The following MPP7 variants were observed in gnomAD, a reference collection of about 807,000 sequenced individuals.
The protein encoded by MPP7 is MAGUK p55 subfamily member 7.
A neutral mutation model predicts 76.5 loss-of-function variants in MPP7; 60 were observed. The ratio of observed to expected loss-of-function variants is 0.78; its 90% CI spans 0.64 to 0.97. The LOEUF (loss-of-function observed/expected upper bound fraction) is 0.97, where lower values mean the gene tolerates loss of function less well. Among genes scored for constraint, MPP7 ranks in the 50% least tolerant of loss-of-function variants. The pLI is 0.00. For synonymous variants in MPP7, 237 were observed against 244.5 expected, an observed-to-expected ratio of 0.97 and a Z score of 0.29; for missense variants, 641 against 694.0, an observed-to-expected ratio of 0.92 and a Z score of 0.86.
intron 1 of MPP7, among the ~76,000 whole-genome samples, chr10:28,242,227 A>G (rs925547465): frequency 2.6e-5 from 4 of 152,240 alleles, no homozygotes; most frequent in Non-Finnish European, 5.9e-5. Flanking sequence ...TTAGCAATCT[A>G]TCATTTCAGA....
chr10:28,105,364 T>C (rs576626133), intron 11 of MPP7, among the ~76,000 whole-genome samples: 8 of 152,270 alleles, frequency 5.3e-5, no homozygotes, highest in Admixed American at 3.9e-4. Context: ...TTTGCTATTA[T>C]AGCACAAGCA....
At chr10:28,099,289 T>C (rs1428129653) in intron 11 of MPP7, among the ~76,000 whole-genome samples, 3 of 152,340 alleles carry the variant, frequency 2.0e-5, no homozygotes, top group Non-Finnish European at 4.4e-5. Flanking sequence ...TACTACTACG[T>C]TACCACCTGT....
chr10:28,185,808 G>T (rs1309705245), intron 3 of MPP7, among the ~76,000 whole-genome samples: 2 of 152,082 alleles, frequency 1.3e-5, no homozygotes, highest in East Asian at 3.9e-4. Flanking sequence ...TGGTGAATAG[G>T]CCTCCAAGCC....
chr10:28,267,314 T>C (rs1051829411), intron 1 of MPP7, among the ~76,000 whole-genome samples: 1 of 152,164 alleles, frequency 6.6e-6, no homozygotes, highest in Admixed American at 6.5e-5. Context: ...ATTAGAATAT[T>C]TACTATGAGG....
At chr10:28,292,861 T>C (rs1021510726) in intron 1 of MPP7, among the ~76,000 whole-genome samples, 1 of 152,178 alleles carries the variant, frequency 6.6e-6, no homozygotes, top group Non-Finnish European at 1.5e-5. Context: ...TGTGTGTCTG[T>C]GTCTCTGTGT....
At position 28,332,243 on chromosome 10, in the gene MPP7, A is replaced by ATGTGTGTGTGTGTGTGTGTGTG. The variant is rs775712498; in HGVS notation, c.-206+2174_-206+2175insCACACACACACACACACACACA. Among the ~76,000 whole-genome samples the ATGTGTGTGTGTGTGTGTGTGTG allele has an allele frequency of 5.1e-4, 52 of 102,040 alleles. 1 individual carries two copies. Among genetic ancestry groups the ATGTGTGTGTGTGTGTGTGTGTG allele is most frequent in the Admixed American group, 3.2e-3 (35 of 11,076 alleles). 66.9% of individuals were successfully genotyped at this position (102,040 alleles called of 152,430 possible). ...CGTACATTGCCAGTTTGTCAAATGT[A>ATGTGTGTGTGTGTGTGTGTGTG]TGCGTGTGTGTGTGTGTGTGTGTGT... On this transcript the variant is annotated intron_variant, in intron 1 of 11. Transcript: ENST00000441595.
intron 2 of MPP7, among the ~76,000 whole-genome samples, chr10:28,211,454 T>G (rs1055690580): frequency 1.3e-5 from 2 of 151,582 alleles, no homozygotes; most frequent in African/African-American, 4.9e-5. Flanking sequence ...CATATATATA[T>G]ATATATATAG....
At chr10:28,109,574 C>T (rs1834430533) in intron 11 of MPP7, among the ~76,000 whole-genome samples, 1 of 151,970 alleles carries the variant, frequency 6.6e-6, no homozygotes, top group Non-Finnish European at 1.5e-5. Flanking sequence ...CCCTTTGTGT[C>T]CAGCCCATTG....
intron 12 of MPP7, among the ~76,000 whole-genome samples, chr10:28,072,886 T>C (rs1050814264): frequency 6.6e-6 from 1 of 152,172 alleles, no homozygotes; most frequent in Non-Finnish European, 1.5e-5. Context: ...TGTTAATGTC[T>C]TCATCTCTCT....
intron 2 of MPP7, among the ~76,000 whole-genome samples, chr10:28,210,308 C>T (rs10826422): frequency 0.18 from 26,687 of 152,062 alleles, 2,981 homozygotes; most frequent in East Asian, 0.56. Context: ...TACTACAATG[C>T]CAAAAACTGC....
At chr10:28,330,595 C>T (rs2133192669) in intron 1 of MPP7, among the ~76,000 whole-genome samples, 1 of 152,164 alleles carries the variant, frequency 6.6e-6, no homozygotes, top group South Asian at 2.1e-4. Flanking sequence ...GGAAGAAAGC[C>T]ACAGTCTTAT....
At chr10:28,262,053 A>G (rs1181569649) in intron 1 of MPP7, among the ~76,000 whole-genome samples, 1 of 151,024 alleles carries the variant, frequency 6.6e-6, no homozygotes, top group Non-Finnish European at 1.5e-5. Context: ...CAGGAGGCTG[A>G]GGCAGGAGAA....
intron 2 of MPP7, among the ~76,000 whole-genome samples, chr10:28,320,535 G>A (rs1389722543): frequency 5.9e-5 from 9 of 151,912 alleles, no homozygotes; most frequent in Non-Finnish European, 1.3e-4. Flanking sequence ...GTGAAAAGAG[G>A]ACCTTTAGAA....
At chr10:28,300,865 A>G (rs1400363105) in intron 1 of MPP7, among the ~76,000 whole-genome samples, 1 of 151,856 alleles carries the variant, frequency 6.6e-6, no homozygotes, top group Non-Finnish European at 1.5e-5. Context: ...AGGCTGAGGC[A>G]GGAGAATCAC....
chr10:28,295,452 T>C (rs1340719779), intron 1 of MPP7, among the ~76,000 whole-genome samples: 1 of 152,212 alleles, frequency 6.6e-6, no homozygotes, highest in Non-Finnish European at 1.5e-5. Flanking sequence ...ATATTTTGAA[T>C]ATCAGCAGAA....
At chr10:28,092,577 C>CTT (rs397969009) in intron 11 of MPP7, among the ~76,000 whole-genome samples, 2 of 121,110 alleles carry the variant, frequency 1.7e-5, no homozygotes, top group African/African-American at 3.2e-5. Context: ...GAAAAGGGAC[C>CTT]TTTTTTTTTT....
chr10:28,125,201 G>T, intron 6 of MPP7, 110 bp from the exon 7 acceptor site: 1 of 845,096 alleles, frequency 1.2e-6, no homozygotes, highest in Non-Finnish European at 1.9e-6. Context: ...CTACAAAAAC[G>T]AAAAAAAAGA....
chr10:28,260,691 G>C (rs1026426362), intron 1 of MPP7, among the ~76,000 whole-genome samples: 1 of 143,390 alleles, frequency 7.0e-6, no homozygotes, highest in Non-Finnish European at 1.5e-5. Context: ...AGAATCGCTC[G>C]AACCTAGGAG....
At chr10:28,077,594 G>A (rs1249471562) in intron 12 of MPP7, among the ~76,000 whole-genome samples, 1 of 152,136 alleles carries the variant, frequency 6.6e-6, no homozygotes, top group Non-Finnish European at 1.5e-5. Flanking sequence ...TAGTTGTCTG[G>A]TTTGTATTTG....
Sources: allele counts gnomAD v4.1 joint callset (sites outside exome capture counted in the v4.1 genomes callset), GRCh38; gene constraint gnomAD v4.1.1; transcripts MANE v1.5; gene names NCBI Gene and HGNC (gene_info 2026-07-23, HGNC 2026-07-21).